ANKRD6: variants seen among roughly 807,000 people sequenced by gnomAD.
The protein encoded by ANKRD6 is ankyrin repeat domain-containing protein 6.
Under a neutral mutation model 82.3 loss-of-function variants are expected in ANKRD6, and 56 were observed. That is an observed-to-expected ratio of 0.68 (90% CI 0.55 to 0.85). The LOEUF is 0.85. ANKRD6 is among the 40% of genes least tolerant of loss of function. The probability of loss-of-function intolerance (pLI) is 0.00; values close to 1 mark genes in which losing one functional copy is unlikely to be tolerated. For missense variants in ANKRD6, 852 were observed against 907.6 expected (o/e 0.94, Z 0.79); for synonymous variants, 347 against 352.1 (o/e 0.99, Z 0.16).
At chr6:89,611,211 A>G (rs1487594679) in intron 5 of ANKRD6, among the ~76,000 whole-genome samples, 1 of 151,464 alleles carries the variant, frequency 6.6e-6, no homozygotes, top group Non-Finnish European at 1.5e-5. Flanking sequence ...TTAAAAGATC[A>G]GGAATCTGAT....
At chr6:89,595,883 G>A (rs1218022745) in intron 2 of ANKRD6, 33 bp from the exon 3 acceptor site, 1 of 1,553,152 alleles carries the variant, frequency 6.4e-7, no homozygotes, top group African/African-American at 1.4e-5. Flanking sequence ...TTGAGGACTT[G>A]TTCCGAAATC....
intron 1 of ANKRD6, among the ~76,000 whole-genome samples, chr6:89,518,012 A>G (rs1190243580): frequency 6.6e-6 from 1 of 152,266 alleles, no homozygotes; most frequent in Non-Finnish European, 1.5e-5. Flanking sequence ...AGCAGGTGCT[A>G]TGCCAGGTAC....
At chr6:89,629,480 T>C in intron 15 of ANKRD6, 1 of 533,962 alleles carries the variant, frequency 1.9e-6, no homozygotes, top group South Asian at 1.8e-5. Context: ...AATTGTTGAC[T>C]GGTGATAACA....
intron 1 of ANKRD6, among the ~76,000 whole-genome samples, chr6:89,463,831 A>G (rs534679007): frequency 6.6e-6 from 1 of 152,296 alleles, no homozygotes; most frequent in Admixed American, 6.5e-5. Flanking sequence ...GAATACAAGC[A>G]TAAGCCACCA....
At chr6:89,460,909 C>CTTT (rs143153320) in intron 1 of ANKRD6, among the ~76,000 whole-genome samples, 1 of 135,900 alleles carries the variant, frequency 7.4e-6, no homozygotes, top group Non-Finnish European at 1.5e-5. Context: ...TTTTGGAATT[C>CTTT]TTTTTTTTTG....
chr6:89,616,682 T>G, intron 8 of ANKRD6, 25 bp downstream of exon 8: 1 of 1,610,014 alleles, frequency 6.2e-7, no homozygotes, highest in African/African-American at 1.3e-5. Context: ...AACATTGCTT[T>G]CTAAAGTGGT....
Position 89,447,087 on chromosome 6 carries a change from C to G in ANKRD6, c.-144+13712C>G, listed in dbSNP as rs137914319. Among the ~76,000 whole-genome samples the G allele has an allele frequency of 1.7e-3, 266 of 152,200 alleles. 1 individual carries two copies. Among genetic ancestry groups the G allele is most frequent in the African/African-American group, 6.3e-3 (263 of 41,532 alleles). On this transcript the variant is annotated intron_variant, in intron 1 of 15. Coordinates refer to ENST00000339746, the MANE Select transcript of ANKRD6 (RefSeq NM_001242809.2). ...ACACCAACGTAGTGAAATCCTGTCT[C>G]TACAAAAAATTAAAAAATTAGCAGG... is the stretch of plus-strand genomic sequence containing the variant.
chr6:89,513,397 A>C (rs556252008), intron 1 of ANKRD6, among the ~76,000 whole-genome samples: 40 of 152,024 alleles, frequency 2.6e-4, no homozygotes, highest in Non-Finnish European at 5.7e-4. Context: ...TTCCCCTCCA[A>C]ATCACTCTCT....
At chr6:89,439,121 G>A (rs1354939682) in intron 1 of ANKRD6, among the ~76,000 whole-genome samples, 4 of 152,090 alleles carry the variant, frequency 2.6e-5, no homozygotes, top group Non-Finnish European at 4.4e-5. Flanking sequence ...ATGCTATTAA[G>A]CCATCTAGGC....
chr6:89,572,428 G>A (rs897006737), intron 2 of ANKRD6, among the ~76,000 whole-genome samples: 6 of 152,102 alleles, frequency 3.9e-5, no homozygotes, highest in Admixed American at 6.5e-5. Flanking sequence ...TCAATCTTAC[G>A]GATTTTGACC....
intron 1 of ANKRD6, among the ~76,000 whole-genome samples, chr6:89,526,990 G>A (rs1782569181): frequency 6.6e-6 from 1 of 152,166 alleles, no homozygotes; most frequent in Non-Finnish European, 1.5e-5. Flanking sequence ...ATTAAGTCCA[G>A]CAATTCAAAT....
chr6:89,537,893 AAAAAAAAGAAAAG>A (rs1784030729), intron 1 of ANKRD6, among the ~76,000 whole-genome samples: 1 of 150,812 alleles, frequency 6.6e-6, no homozygotes, highest in African/African-American at 2.4e-5. Context: ...AAAAAAAAAA[AAAAAAAAGAAAAG>A]AAAAAAGGCA....
chr6:89,439,115 T>C (rs58970240), intron 1 of ANKRD6, among the ~76,000 whole-genome samples: 9,126 of 152,256 alleles, frequency 0.06, 311 homozygotes, highest in South Asian at 0.14. Flanking sequence ...ATAAAAATGC[T>C]ATTAAGCCAT....
At chr6:89,554,663 C>T (rs1041183990) in intron 1 of ANKRD6, among the ~76,000 whole-genome samples, 8 of 152,094 alleles carry the variant, frequency 5.3e-5, no homozygotes, top group South Asian at 4.2e-4. Flanking sequence ...TTCCATGCCA[C>T]GTATTGTTCG....
chr6:89,622,617 G>A (rs1053123571), intron 10 of ANKRD6, among the ~76,000 whole-genome samples: 2 of 152,120 alleles, frequency 1.3e-5, no homozygotes, highest in African/African-American at 4.8e-5. Context: ...GATGTCCCCT[G>A]GGCAGACCCA....
chr6:89,603,754 G>A (rs547574682), intron 4 of ANKRD6, among the ~76,000 whole-genome samples: 33 of 152,314 alleles, frequency 2.2e-4, no homozygotes, highest in Non-Finnish European at 4.3e-4. Flanking sequence ...GGGAGGCTAA[G>A]GTGGGAGGAT....
chr6:89,544,831 C>T (rs919292958), intron 1 of ANKRD6, among the ~76,000 whole-genome samples: 5 of 152,140 alleles, frequency 3.3e-5, no homozygotes, highest in Non-Finnish European at 5.9e-5. Context: ...GATTTGAGGA[C>T]GGGAAGCATC....
chr6:89,462,058 C>G (rs1349944024), intron 1 of ANKRD6, among the ~76,000 whole-genome samples: 1 of 151,716 alleles, frequency 6.6e-6, no homozygotes, highest in Admixed American at 6.6e-5. Flanking sequence ...ATGGTGAAAC[C>G]CTGTCTCTAC....
chr6:89,483,640 A>T (rs1180037888), intron 1 of ANKRD6: 1 of 152,178 alleles, frequency 6.6e-6, no homozygotes, highest in East Asian at 1.9e-4. Context: ...ATGGAGTGGG[A>T]GTGTTCTCTT....
Sources: allele counts gnomAD v4.1 joint callset (sites outside exome capture counted in the v4.1 genomes callset), GRCh38; gene constraint gnomAD v4.1.1; transcripts MANE v1.5; gene names NCBI Gene and HGNC (gene_info 2026-07-23, HGNC 2026-07-21).